Variants in RALB observed in about 807,000 individuals in gnomAD.
RALB encodes ras-related protein Ral-B.
Under a neutral mutation model 21.3 loss-of-function variants are expected in RALB, and 16 were observed. The ratio of observed to expected loss-of-function variants is 0.75; its 90% confidence interval spans 0.51 to 1.14. RALB has a LOEUF of 1.14. RALB is among the 50% of genes most tolerant of loss of function. The pLI, the probability that RALB is intolerant of heterozygous loss-of-function variation, is 0.00. For synonymous variants in RALB, 93 were observed against 96.1 expected, an observed-to-expected ratio of 0.97 and a Z score of 0.19; for missense variants, 161 against 256.2, an observed-to-expected ratio of 0.63 and a Z score of 2.54.
Position 120,293,265 on chromosome 2 carries a change from C to A in RALB, c.*5C>A. On this transcript the variant is annotated 3_prime_UTR_variant, in exon 5 of 5. Coordinates refer to ENST00000272519, the MANE Select transcript of RALB (RefSeq NM_002881.3). Reference sequence around the variant, plus strand: ...GAAAGATGTTGCTTACTATGAGTGTCAAGGTGACGGATGAAGCCAGCTGCT... The same window carrying A: ...GAAAGATGTTGCTTACTATGAGTGTAAAGGTGACGGATGAAGCCAGCTGCT... The A allele has an allele frequency of 6.2e-7, 1 of 1,609,154 alleles. No homozygotes were observed. Among genetic ancestry groups the A allele is most frequent in the South Asian group, 1.1e-5 (1 of 90,352 alleles).
chr2:120,258,610 G>A (rs1388610368), intron 1 of RALB, among the ~76,000 whole-genome samples: 2 of 152,232 alleles, frequency 1.3e-5, no homozygotes, highest in Non-Finnish European at 2.9e-5. Context: ...AAGAGGGGCT[G>A]GAGTGGTAAT....
chr2:120,267,938 C>G (rs948567374), intron 1 of RALB, among the ~76,000 whole-genome samples: 1 of 152,004 alleles, frequency 6.6e-6, no homozygotes, highest in African/African-American at 2.4e-5. Context: ...ATTACAGGCA[C>G]GAGCCACCAT....
intron 2 of RALB, among the ~76,000 whole-genome samples, chr2:120,282,014 A>C (rs1247713616): frequency 1.3e-5 from 2 of 152,192 alleles, no homozygotes; most frequent in Admixed American, 6.5e-5. Context: ...AGCATCCTAC[A>C]TCACACAGGA....
At chr2:120,240,457 T>C (rs1688875912) in intron 1 of RALB, among the ~76,000 whole-genome samples, 1 of 151,498 alleles carries the variant, frequency 6.6e-6, no homozygotes, top group Admixed American at 6.6e-5. Context: ...GCTATTTTTT[T>C]TTCTTTTTTG....
At chr2:120,284,396 G>A (rs1038834591) in intron 2 of RALB, among the ~76,000 whole-genome samples, 2 of 95,620 alleles carry the variant, frequency 2.1e-5, no homozygotes, top group African/African-American at 9.4e-5. Context: ...TCTTTTTAAA[G>A]TGTACAATTT....
intron 1 of RALB, among the ~76,000 whole-genome samples, chr2:120,266,319 A>C (rs992078566): frequency 6.6e-6 from 1 of 152,160 alleles, no homozygotes; most frequent in Admixed American, 6.5e-5. Flanking sequence ...ATCTCGGCTC[A>C]CTGCAACCTC....
intron 1 of RALB, among the ~76,000 whole-genome samples, chr2:120,259,243 T>C (rs1573326485): frequency 6.6e-6 from 1 of 152,228 alleles, no homozygotes; most frequent in South Asian, 2.1e-4. Flanking sequence ...TCGGGCAGCC[T>C]GCTTTTATTC....
At chr2:120,272,670 T>G (rs569787398) in intron 1 of RALB, among the ~76,000 whole-genome samples, 1 of 152,312 alleles carries the variant, frequency 6.6e-6, no homozygotes, top group South Asian at 2.1e-4. Flanking sequence ...ATCATTAACG[T>G]GAGCTTCCTA....
chr2:120,252,701 CG>C (rs1689082627), upstream of RALB: 1 of 889,970 alleles, frequency 1.1e-6, no homozygotes, highest in African/African-American at 1.8e-5. Flanking sequence ...ACCTCCTCCC[CG>C]GCCGCCCGCT....
chr2:120,280,015 C>T (rs1689946804), intron 2 of RALB, among the ~76,000 whole-genome samples: 1 of 152,196 alleles, frequency 6.6e-6, no homozygotes, highest in Non-Finnish European at 1.5e-5. Context: ...AGTACTCCAA[C>T]CGCCCACTGT....
At position 120,293,384 on chromosome 2, in the gene RALB, C is replaced by T. The variant is rs1690352013; in HGVS notation, c.*124C>T. 1 of 1,075,582 alleles carries T rather than the reference C, an allele frequency of 9.3e-7. No individual in the cohort carries two copies. The highest frequency in any genetic ancestry group is 1.2e-6 in the Non-Finnish European group (1 of 805,948). 66.6% of individuals were successfully genotyped at this position (1,075,582 alleles called of 1,614,324 possible). A position where few individuals can be genotyped will look rare whatever the true frequency, so the allele number is the denominator to read the frequency against. ...TCCCCGACTTCATTCACTCAAACTT[C>T]TTTAAATGGGGAAAAATATTTGTGA... is the stretch of plus-strand genomic sequence containing the variant. On this transcript the variant is annotated 3_prime_UTR_variant, in exon 5 of 5. Transcript: ENST00000272519.
intron 1 of RALB, among the ~76,000 whole-genome samples, chr2:120,272,774 G>A (rs1184487242): frequency 2.0e-5 from 3 of 151,944 alleles, no homozygotes; most frequent in African/African-American, 7.3e-5. Context: ...TGTCCCTCCA[G>A]GAAATTTCCC....
intron 3 of RALB, among the ~76,000 whole-genome samples, chr2:120,288,016 C>T (rs1690207823): frequency 6.6e-6 from 1 of 152,170 alleles, no homozygotes; most frequent in Admixed American, 6.5e-5. Flanking sequence ...TTCCTTGAAA[C>T]TTTTTCTGGA....
At position 120,269,938 on chromosome 2, in the gene RALB, C is replaced by A. The variant is rs1689620575; in HGVS notation, c.-47-8680C>A. 3.9e-5 allele frequency among the ~76,000 whole-genome samples: 6 copies of A among 152,250 alleles called. 1 individual carries two copies. The South Asian group carries it at 1.2e-3, about 32-fold the overall frequency. On this transcript the variant is annotated intron_variant, in intron 1 of 4. Coordinates refer to ENST00000272519, the MANE Select transcript of RALB (RefSeq NM_002881.3). ...ATAATATCAGTAGTATTCATTTCCC[C>A]AAACTCTTGATGAACCCAATCTAAT...
intron 1 of RALB, among the ~76,000 whole-genome samples, chr2:120,243,110 C>T (rs575193579): frequency 4.4e-4 from 67 of 152,312 alleles, no homozygotes; most frequent in South Asian, 1.5e-3. Context: ...TTTCACTGGT[C>T]TTTATGTCTC....
At chr2:120,244,100 G>A (rs1012513640) in intron 1 of RALB, among the ~76,000 whole-genome samples, 7 of 152,166 alleles carry the variant, frequency 4.6e-5, no homozygotes, top group Admixed American at 3.3e-4. Context: ...AGAGAAAAGG[G>A]GGAAGAGCAA....
chr2:120,242,733 A>G (rs188603446), intron 1 of RALB, among the ~76,000 whole-genome samples: 3 of 152,182 alleles, frequency 2.0e-5, no homozygotes, highest in Admixed American at 6.5e-5. Flanking sequence ...GCAAGACTGC[A>G]TCTCAAAAAA....
rs57582339 is a variant in RALB, at chr2:120,292,851, G to C, written c.502-290G>C. 1.5e-3 allele frequency among the ~76,000 whole-genome samples: 221 copies of C among 151,850 alleles called. 1 individual carries two copies. In the East Asian group the frequency reaches 0.021, roughly 14 times the overall value. The stretch of plus-strand genomic sequence containing the variant: ...AGTACGATGATTCTGTCCTTGGCTT[G>C]AGCAGTTGTGTGATACGAGCAGTTG... On this transcript the variant is annotated intron_variant, in intron 4 of 4. Transcript: ENST00000272519.
chr2:120,284,384 G>A (rs1449154170), intron 2 of RALB, among the ~76,000 whole-genome samples: 1 of 142,082 alleles, frequency 7.0e-6, no homozygotes, highest in African/African-American at 2.7e-5. Flanking sequence ...TATGAAATTC[G>A]CTCTTTTTAA....
Sources: gnomAD v4.1 joint callset for allele counts (sites outside exome capture counted in the v4.1 genomes callset) on GRCh38, gnomAD v4.1.1 for gene constraint, MANE v1.5 for transcripts, NCBI Gene and HGNC (gene_info 2026-07-23, HGNC 2026-07-21) for gene names.